The following ZNF486 variants were observed in gnomAD, a reference collection of about 807,000 sequenced individuals.
The protein encoded by ZNF486 is zinc finger protein 486.
ZNF486 carries 12 observed loss-of-function variants against 12.8 expected under a neutral mutation model. The ratio of observed to expected loss-of-function variants is 0.94; its 90% CI spans 0.60 to 1.52. The LOEUF is 1.52. ZNF486 is among the 40% of genes most tolerant of loss of function. ZNF486 has a pLI of 0.00. For synonymous variants in ZNF486, 231 were observed against 184.9 expected, an observed-to-expected ratio of 1.25 and a Z score of -2.02; for missense variants, 738 against 545.0, an observed-to-expected ratio of 1.35 and a Z score of -3.53.
Position 20,197,369 on chromosome 19 carries a change from A to G in ZNF486, c.659A>G (p.Asn220Ser), listed in dbSNP as rs782528043. The G allele has an allele frequency of 9.9e-6, 16 of 1,610,992 alleles. No homozygotes were observed. The highest frequency in any genetic ancestry group is 1.7e-6 in the Non-Finnish European group (2 of 1,178,802). ...YKCEECGKAF[N>S]RSSHLTTHKI... is the part of the protein sequence containing the mutation. ...TGTGAAGAATGTGGCAAAGCCTTCA[A>G]CCGGTCCTCACACCTTACTACACAT... The change falls in exon 4 of 4, where the codon AAC becomes AGC. Residue 220 changes from asparagine to serine, a missense_variant. Transcript: ENST00000335117.
intron 1 of ZNF486, among the ~76,000 whole-genome samples, chr19:20,173,095 T>C (rs576607257): frequency 6.6e-6 from 1 of 152,382 alleles, no homozygotes; most frequent in African/African-American, 2.4e-5. Context: ...ATTTTTGCTT[T>C]TGTTGCAGTT....
At chr19:20,186,172 G>C (rs1411259355) in intron 3 of ZNF486, 90 bp downstream of exon 3, 13 of 907,772 alleles carry the variant, frequency 1.4e-5, no homozygotes, top group Middle Eastern at 2.3e-4. Context: ...TGTGATCTGG[G>C]AAGCTGTGTT....
At chr19:20,178,991 C>T (rs970746605) in intron 1 of ZNF486, among the ~76,000 whole-genome samples, 3 of 152,200 alleles carry the variant, frequency 2.0e-5, no homozygotes, top group Admixed American at 6.5e-5. Context: ...CCTGCTGCTC[C>T]TCCTGCCATT....
intron 3 of ZNF486, among the ~76,000 whole-genome samples, chr19:20,187,962 G>A (rs1207283997): frequency 1.3e-5 from 2 of 152,128 alleles, no homozygotes; most frequent in African/African-American, 4.8e-5. Context: ...TGTTACAGGG[G>A]CTTGGGTAGT....
chr19:20,196,396 T>C (rs2089958660), intron 3 of ZNF486, among the ~76,000 whole-genome samples: 1 of 152,230 alleles, frequency 6.6e-6, no homozygotes, highest in Admixed American at 6.5e-5. Flanking sequence ...TGGTGCAATC[T>C]TGGCTTACTG....
chr19:20,185,944 G>A, intron 2 of ZNF486, 43 bp from the exon 3 acceptor site: 1 of 1,297,696 alleles, frequency 7.7e-7, no homozygotes, highest in Non-Finnish European at 1.0e-6. Context: ...TTGTAATTGA[G>A]AAATATAAGC....
chr19:20,182,619 C>A (rs1183596241), intron 1 of ZNF486, among the ~76,000 whole-genome samples: 1 of 152,148 alleles, frequency 6.6e-6, no homozygotes, highest in African/African-American at 2.4e-5. Flanking sequence ...CAGTGTGGTG[C>A]ATAATTCCAT....
rs145655001 is a variant in ZNF486 at position 20,167,251 on chromosome 19, G to C, written c.-80G>C. 1.9e-6 allele frequency: 3 copies of C among 1,583,836 alleles called. No individual in the cohort carries two copies. The African/African-American group carries it at 4.0e-5, about 21-fold the overall frequency. On this transcript the variant is annotated 5_prime_UTR_variant, in exon 1 of 4. Transcript: ENST00000335117. ...ATCTGGAGCTCTAGGTCGCCTCTTC[G>C]CTACTCTGTGTCCTCTGCTCCTAGA...
rs954670349 is a variant in ZNF486 at position 20,193,592 on chromosome 19, C to T, written c.254-3372C>T. Among the ~76,000 whole-genome samples, 22 of 152,038 alleles carry T rather than the reference C, an allele frequency of 1.4e-4. No homozygotes were observed. The East Asian group carries it at 1.9e-3, about 13-fold the overall frequency. On this transcript the variant is annotated intron_variant, in intron 3 of 3. Coordinates refer to ENST00000335117, the MANE Select transcript of ZNF486 (RefSeq NM_052852.4). The stretch of plus-strand genomic sequence containing the variant: ...AGGAGAATTGCTTGAACCTAGAAGG[C>T]GGACGTTGCAGTGAGCCAAGGTCAC...
At chr19:20,187,291 C>T (rs1223259853) in intron 3 of ZNF486, among the ~76,000 whole-genome samples, 1 of 151,870 alleles carries the variant, frequency 6.6e-6, no homozygotes, top group Non-Finnish European at 1.5e-5. Flanking sequence ...TTTTAATGTA[C>T]TATTTATTGA....
intron 3 of ZNF486, among the ~76,000 whole-genome samples, chr19:20,188,004 C>A (rs909090925): frequency 6.6e-6 from 1 of 152,050 alleles, no homozygotes; most frequent in Non-Finnish European, 1.5e-5. Context: ...GGACAGACTG[C>A]ATATCCTTCA....
intron 1 of ZNF486, 140 bp from the exon 2 acceptor site, chr19:20,184,215 TG>T: frequency 7.8e-7 from 1 of 1,281,444 alleles, no homozygotes; most frequent in Non-Finnish European, 1.1e-6. Flanking sequence ...AAAATATTTC[TG>T]TATTGAAAAT....
rs1555718209 is a variant in ZNF486, at chr19:20,197,424, C to T, written c.714C>T (p.Tyr238=). The part of the protein sequence containing the change: ...HKITHTREKP[Y]KCEECGKVFK... ...TAACTCATACTAGAGAGAAACCCTA[C>T]AAATGTGAAGAATGTGGCAAAGTCT... Residue 238 remains tyrosine, a synonymous_variant, in exon 4 of 4, where the codon TAC becomes TAT. Coordinates refer to ENST00000335117, the MANE Select transcript of ZNF486 (RefSeq NM_052852.4). 6 of 1,613,738 alleles carry T rather than the reference C, an allele frequency of 3.7e-6. No homozygotes were observed. In the South Asian group the frequency reaches 6.6e-5, roughly 18 times the overall value.
intron 3 of ZNF486, among the ~76,000 whole-genome samples, chr19:20,194,140 C>A (rs959625139): frequency 2.0e-5 from 3 of 151,720 alleles, no homozygotes; most frequent in African/African-American, 7.3e-5. Flanking sequence ...TAAGAAATTC[C>A]ATTTTTGTGT....
At chr19:20,174,631 C>T (rs1427269466) in intron 1 of ZNF486, among the ~76,000 whole-genome samples, 1 of 152,100 alleles carries the variant, frequency 6.6e-6, no homozygotes, top group African/African-American at 2.4e-5. Flanking sequence ...TCAGGTGATC[C>T]ACCCATTTCA....
intron 1 of ZNF486, among the ~76,000 whole-genome samples, chr19:20,167,585 G>C (rs782374223): frequency 1.3e-5 from 2 of 152,182 alleles, no homozygotes; most frequent in East Asian, 3.8e-4. Context: ...CCCTGGCCTG[G>C]CGCCCTCTCT....
At chr19:20,194,004 G>A (rs1265199965) in intron 3 of ZNF486, among the ~76,000 whole-genome samples, 4 of 151,804 alleles carry the variant, frequency 2.6e-5, no homozygotes, top group African/African-American at 7.3e-5. Context: ...CTTCAACTTT[G>A]TTACTGATTT....
At position 20,169,878 on chromosome 19, in the gene ZNF486, G is replaced by A. The variant is rs1297353022; in HGVS notation, c.30+2518G>A. On this transcript the variant is annotated intron_variant, in intron 1 of 3. Transcript: ENST00000335117. Reference sequence around the variant, plus strand: ...CGTGTTCTTAGAAGGGACATAAGATGGGGTTGTATGTTTTTTTTTTTTTTT... The same window carrying A: ...CGTGTTCTTAGAAGGGACATAAGATAGGGTTGTATGTTTTTTTTTTTTTTT... Among the ~76,000 whole-genome samples, 3 of 149,718 alleles carry A rather than the reference G, an allele frequency of 2.0e-5. No homozygotes were observed. In the East Asian group the frequency reaches 5.9e-4, roughly 29 times the overall value.
chr19:20,197,018 C>A lies in ZNF486; in HGVS notation c.308C>A (p.Ser103Tyr). The A allele has an allele frequency of 6.2e-7, 1 of 1,604,358 alleles. No homozygotes were observed. ...TGGCCAGAGCAGAGCATAAAAGATT[C>A]TTACCAAAAAGTGATACTGAGAAAA... ...DLWPEQSIKD[S>Y]YQKVILRKFE... is the part of the protein sequence containing the mutation. The change falls in exon 4 of 4, where the codon TCT (serine) becomes TAT (tyrosine). Residue 103 changes from serine to tyrosine, a missense_variant. Physicochemically the swap from Ser to Tyr is moderately radical, Grantham distance 144. Coordinates refer to ENST00000335117, the MANE Select transcript of ZNF486 (RefSeq NM_052852.4).
Sources: gnomAD v4.1 joint callset for allele counts (sites outside exome capture counted in the v4.1 genomes callset) on GRCh38, gnomAD v4.1.1 for gene constraint, MANE v1.5 for transcripts, NCBI Gene and HGNC (gene_info 2026-07-23, HGNC 2026-07-21) for gene names.